The following C13orf42 variants were observed in gnomAD, a reference collection of about 807,000 sequenced individuals.
C13orf42 encodes the protein chromosome 13 open reading frame 42, also known as uncharacterized protein C13orf42.
In C13orf42 at chr13:51,164,081, G is replaced by A. The variant is rs533481848; in HGVS notation, n.136+8172C>T. 2.6e-5 allele frequency among the ~76,000 whole-genome samples: 4 copies of A among 152,320 alleles called. No individual in the cohort carries two copies. The East Asian group carries it at 7.7e-4, about 29-fold the overall frequency. Reference sequence around the variant, plus strand: ...CTGGCCTTTCTCTAAACTGCTCTGTGTAATATACTTATCCACCAAATCGCC... The same window carrying A: ...CTGGCCTTTCTCTAAACTGCTCTGTATAATATACTTATCCACCAAATCGCC... On this transcript the variant is annotated intron_variant and non_coding_transcript_variant, in intron 1 of 4. Transcript: ENST00000433280.
intron 1 of C13orf42, among the ~76,000 whole-genome samples, chr13:51,110,401 T>C (rs759986584): frequency 3.3e-5 from 5 of 152,164 alleles, no homozygotes; most frequent in Non-Finnish European, 7.3e-5. Context: ...AGCTGCTCTG[T>C]GGACACCACT....
At chr13:51,153,621 G>GTTTTTTTTTTTTTTTTTTTTTTTTTT (rs1202370498) in intron 1 of C13orf42, among the ~76,000 whole-genome samples, 4 of 82,024 alleles carry the variant, frequency 4.9e-5, no homozygotes, top group East Asian at 3.4e-4. Flanking sequence ...CTTGCTTTCT[G>GTTTTTTTTTTTTTTTTTTTTTTTTTT]TTTTTTTTCT....
chr13:51,085,496 T>G lies in C13orf42; in HGVS notation c.626A>C (p.His209Pro), dbSNP rs894877290. 2.5e-6 allele frequency: 1 copy of G among 398,510 alleles called. No homozygotes were observed. Among genetic ancestry groups the G allele is most frequent in the Non-Finnish European group, 4.4e-6 (1 of 226,072 alleles). The allele number at this position is 398,510 out of a possible 1,614,324, so 24.7% of individuals were successfully genotyped here. A position where few individuals can be genotyped will look rare whatever the true frequency, so the allele number is the denominator to read the frequency against. ...AGTGTGGGCAGCGATATCCTCGGAG[T>G]GTCTGCGCGGTGCCCGCAGGATCCA... ...SNWILRAPRR[H>P]SEDIAAHTVH... Residue 209 changes from histidine (H) to proline (P), a missense_variant, in exon 3 of 4, where the codon CAC (histidine) becomes CCC (proline). Physicochemically the swap from His to Pro is moderately conservative, Grantham distance 77 (BLOSUM62 -2). Coordinates refer to ENST00000563710, the MANE Select transcript of C13orf42 (RefSeq NM_001351589.3).
At chr13:51,155,322 T>C (rs1317443463) in intron 1 of C13orf42, among the ~76,000 whole-genome samples, 3 of 152,202 alleles carry the variant, frequency 2.0e-5, no homozygotes, top group East Asian at 1.9e-4. Flanking sequence ...AGGGCTAAGA[T>C]ACAAGTAAGT....
At chr13:51,165,572 A>G (rs1236833247) in intron 1 of C13orf42, among the ~76,000 whole-genome samples, 3 of 152,204 alleles carry the variant, frequency 2.0e-5, no homozygotes, top group Non-Finnish European at 2.9e-5. Flanking sequence ...GATGTAAGAG[A>G]CAACGTAAGA....
chr13:51,156,251 C>T (rs1953823650), intron 1 of C13orf42, among the ~76,000 whole-genome samples: 1 of 148,210 alleles, frequency 6.7e-6, no homozygotes, highest in African/African-American at 2.5e-5. Context: ...CTTTATATCC[C>T]AGAAAATAAT....
intron 1 of C13orf42, among the ~76,000 whole-genome samples, chr13:51,144,015 A>C (rs1282498199): frequency 6.6e-6 from 1 of 152,104 alleles, no homozygotes; most frequent in Non-Finnish European, 1.5e-5. Context: ...GAGGTAACTA[A>C]TTTCCTTGTC....
intron 1 of C13orf42, among the ~76,000 whole-genome samples, chr13:51,136,587 A>G (rs1172098432): frequency 6.6e-6 from 1 of 152,168 alleles, no homozygotes; most frequent in Non-Finnish European, 1.5e-5. Context: ...CAGGTCCCAG[A>G]GCTCACCGGG....
In C13orf42 at chr13:51,141,239, GT is replaced by G. The variant is rs564093151; in HGVS notation, n.137-28018del. ...TTTTTTGAGCCAAAGGTTTTTTTTTGTTTTTTTTTTCTCAGTTGAATGAATT... is the reference window on the plus strand; with the variant it reads ...TTTTTTGAGCCAAAGGTTTTTTTTTGTTTTTTTTTCTCAGTTGAATGAATT... On this transcript the variant is annotated intron_variant and non_coding_transcript_variant, in intron 1 of 4. Transcript: ENST00000433280. 7.4e-5 allele frequency among the ~76,000 whole-genome samples: 10 copies of G among 134,822 alleles called. No individual in the cohort carries two copies. In the East Asian group the frequency reaches 1.3e-3, roughly 18 times the overall value. The allele number at this position is 134,822 out of a possible 152,430, so 88.4% of individuals were successfully genotyped here. A position where few individuals can be genotyped will look rare whatever the true frequency, so the allele number is the denominator to read the frequency against.
At chr13:51,113,593 TAC>T, upstream of C13orf42, among the ~76,000 whole-genome samples, 1 of 145,300 alleles carries the variant, frequency 6.9e-6, no homozygotes, top group South Asian at 2.2e-4. Context: ...TGTGTGTGTG[TAC>T]GTGTGTTTGT....
At chr13:51,106,782 G>A (rs113363887) in intron 1 of C13orf42, among the ~76,000 whole-genome samples, 2 of 152,284 alleles carry the variant, frequency 1.3e-5, no homozygotes, top group African/African-American at 4.8e-5. Context: ...TCCTTGACAA[G>A]ACACACTTCA....
chr13:51,126,512 AG>A (rs1167405979), intron 1 of C13orf42, among the ~76,000 whole-genome samples: 2 of 152,246 alleles, frequency 1.3e-5, no homozygotes, highest in African/African-American at 4.8e-5. Context: ...AAATTTAAAA[AG>A]CATTACCTTC....
intron 1 of C13orf42, among the ~76,000 whole-genome samples, chr13:51,167,867 C>T (rs1953914360): frequency 6.6e-6 from 1 of 152,194 alleles, no homozygotes; most frequent in South Asian, 2.1e-4. Flanking sequence ...TTGTATTGTA[C>T]ATCCTGCTGC....
intron 1 of C13orf42, among the ~76,000 whole-genome samples, chr13:51,097,853 T>C (rs957854899): frequency 6.6e-6 from 1 of 152,088 alleles, no homozygotes; most frequent in Admixed American, 6.6e-5. Context: ...ACAGGGTCCA[T>C]GTCCCTTTGC....
At chr13:51,166,558 C>G (rs577726523) in intron 1 of C13orf42, among the ~76,000 whole-genome samples, 1 of 142,182 alleles carries the variant, frequency 7.0e-6, no homozygotes, top group East Asian at 2.0e-4. Flanking sequence ...CTAACCTGCA[C>G]AATGTGCACA....
chr13:51,124,607 A>G (rs1026785145), intron 1 of C13orf42, among the ~76,000 whole-genome samples: 1 of 152,206 alleles, frequency 6.6e-6, no homozygotes, highest in East Asian at 1.9e-4. Context: ...AAGCTTTGGA[A>G]GACAGTGAAG....
intron 1 of C13orf42, among the ~76,000 whole-genome samples, chr13:51,100,595 CAAT>C (rs1953279661): frequency 6.6e-6 from 1 of 151,948 alleles, no homozygotes; most frequent in Admixed American, 6.6e-5. Context: ...ATTATGCAAG[CAAT>C]AATAAAAGTA....
At position 51,111,156 on chromosome 13, in the gene C13orf42, C is replaced by T; in HGVS notation, c.54G>A (p.Ala18=). ...CTCCTTCGTAGAAGGGGCTCTCGGCCGCCGTCTTTCTCTGTGGGCTGGAGT... is the reference window on the plus strand; with the variant it reads ...CTCCTTCGTAGAAGGGGCTCTCGGCTGCCGTCTTTCTCTGTGGGCTGGAGT... ...IFNSSPQRKT[A]AESPFYEGAS... Residue 18 remains alanine, a synonymous_variant, in exon 1 of 4, where the codon GCG becomes GCA. Transcript: ENST00000563710. 2.5e-6 allele frequency: 1 copy of T among 398,626 alleles called. No homozygotes were observed. The highest frequency in any genetic ancestry group is 4.4e-6 in the Non-Finnish European group (1 of 226,066). The allele number at this position is 398,626 out of a possible 1,614,324, so 24.7% of individuals were successfully genotyped here. A position where few individuals can be genotyped will look rare whatever the true frequency, so the allele number is the denominator to read the frequency against.
At chr13:51,091,130 C>T (rs1340206152) in intron 1 of C13orf42, among the ~76,000 whole-genome samples, 1 of 152,212 alleles carries the variant, frequency 6.6e-6, no homozygotes, top group Non-Finnish European at 1.5e-5. Flanking sequence ...GACAAGTGAG[C>T]TCCTTGGCTG....
Sources: allele counts gnomAD v4.1 joint callset (sites outside exome capture counted in the v4.1 genomes callset), GRCh38; gene constraint gnomAD v4.1.1; transcripts MANE v1.5; gene names NCBI Gene and HGNC (gene_info 2026-07-23, HGNC 2026-07-21).